Variants in CA6 observed in about 807,000 individuals in gnomAD.
CA6 encodes carbonic anhydrase 6.
Under a neutral mutation model 35.9 loss-of-function variants are expected in CA6, and 28 were observed. That is an observed-to-expected ratio of 0.78 (90% confidence interval 0.58 to 1.07). The LOEUF (loss-of-function observed/expected upper bound fraction) is 1.07. CA6 is among the 50% of genes least tolerant of loss of function. The pLI is 0.00. For missense variants in CA6, 377 were observed against 382.0 expected (o/e 0.99, Z 0.11); for synonymous variants, 148 against 152.6 (o/e 0.97, Z 0.22).
At chr1:8,973,750 T>TTCTCTC (rs1269229236) in intron 7 of CA6, among the ~76,000 whole-genome samples, 1 of 20,448 alleles carries the variant, frequency 4.9e-5, no homozygotes, top group African/African-American at 4.5e-4. Context: ...CTTTCTTTCT[T>TTCTCTC]TCTTTCTTTC....
Position 8,949,567 on chromosome 1 carries a change from C to CTCGAACATGAGGG in CA6, c.259+139_259+151dup, listed in dbSNP as rs1394888946. On this transcript the variant is annotated intron_variant, in intron 2 of 7. Coordinates refer to ENST00000377443, the MANE Select transcript of CA6 (RefSeq NM_001215.4). The stretch of plus-strand genomic sequence containing the variant: ...AGAGCACGGCCTCAGAGCTGGAGGC[C>CTCGAACATGAGGG]TCGAACATGAGGGTCGAACATGAGG... 4 of 801,056 alleles carry CTCGAACATGAGGG rather than the reference C, an allele frequency of 5.0e-6. No individual in the cohort carries two copies. In the African/African-American group the frequency reaches 7.2e-5, roughly 14 times the overall value. The allele number at this position is 801,056 out of a possible 1,614,324, so 49.6% of individuals were successfully genotyped here.
intron 5 of CA6, among the ~76,000 whole-genome samples, chr1:8,967,115 G>A (rs111277904): frequency 0.047 from 7,090 of 152,112 alleles, 367 homozygotes; most frequent in African/African-American, 0.12. Flanking sequence ...GAGCCACTGC[G>A]CCTGGCCTGA....
At chr1:8,947,402 C>T (rs1158012963) in intron 1 of CA6, among the ~76,000 whole-genome samples, 6 of 152,026 alleles carry the variant, frequency 3.9e-5, no homozygotes, top group Non-Finnish European at 4.4e-5. Flanking sequence ...TCAGGGTGAA[C>T]GGGATGATCT....
chr1:8,961,783 A>T (rs1639848468), intron 4 of CA6, among the ~76,000 whole-genome samples: 2 of 152,246 alleles, frequency 1.3e-5, no homozygotes, highest in Non-Finnish European at 2.9e-5. Context: ...TGACTGTTAA[A>T]GTCAATACTC....
intron 6 of CA6, among the ~76,000 whole-genome samples, chr1:8,970,242 A>G (rs1336594028): frequency 2.7e-5 from 4 of 149,982 alleles, no homozygotes; most frequent in Non-Finnish European, 5.9e-5. Flanking sequence ...AAAACCTGAC[A>G]TTTTCAGAAA....
chr1:8,958,783 G>A (rs921940760), intron 3 of CA6, 127 bp from the exon 4 acceptor site: 2 of 557,896 alleles, frequency 3.6e-6, no homozygotes, highest in Non-Finnish European at 6.4e-6. Flanking sequence ...GGAGGTCCAA[G>A]TTGCTTGTGT....
intron 1 of CA6, among the ~76,000 whole-genome samples, chr1:8,946,691 G>A (rs1569643881): frequency 6.6e-6 from 1 of 151,898 alleles, no homozygotes; most frequent in Admixed American, 6.6e-5. Flanking sequence ...TGGGGTTTGC[G>A]AGACCTTCTT....
chr1:8,973,500 C>A (rs950888003), intron 7 of CA6, among the ~76,000 whole-genome samples: 10 of 152,200 alleles, frequency 6.6e-5, no homozygotes, highest in African/African-American at 2.4e-4. Flanking sequence ...TAGGTACCGG[C>A]CCCAGACTGA....
chr1:8,959,241 C>T (rs897933995), intron 4 of CA6, among the ~76,000 whole-genome samples: 2 of 151,730 alleles, frequency 1.3e-5, no homozygotes, highest in African/African-American at 2.4e-5. Context: ...AGAGGGGTTG[C>T]GTAGACACAA....
chr1:8,966,119 AT>A lies in CA6; in HGVS notation c.572-1531del, dbSNP rs554495466. On this transcript the variant is annotated intron_variant, in intron 5 of 7. Transcript: ENST00000377443. ...AGTAATCTATGTTTTTTTAATTTTA[AT>A]TTTTTTTTGTTTTTTGAGACAGAGT... 2.1e-4 allele frequency among the ~76,000 whole-genome samples: 32 copies of A among 150,882 alleles called. No individual in the cohort carries two copies. In the East Asian group the frequency reaches 5.5e-3, roughly 26 times the overall value.
At chr1:8,957,703 C>T (rs1369445364) in intron 3 of CA6, among the ~76,000 whole-genome samples, 1 of 145,674 alleles carries the variant, frequency 6.9e-6, no homozygotes, top group Non-Finnish European at 1.5e-5. Context: ...AATTCCATCA[C>T]TTTGGGAGGC....
At chr1:8,973,130 C>T (rs1212038724) in intron 7 of CA6, among the ~76,000 whole-genome samples, 1 of 152,170 alleles carries the variant, frequency 6.6e-6, no homozygotes, top group Non-Finnish European at 1.5e-5. Flanking sequence ...AGCAATTCTC[C>T]TGCCTCAGCC....
intron 4 of CA6, 125 bp from the exon 5 acceptor site, chr1:8,962,462 A>G: frequency 1.3e-6 from 1 of 772,528 alleles, no homozygotes; most frequent in Non-Finnish European, 2.3e-6. Flanking sequence ...ACAAGACGGC[A>G]CAGGCTGCCT....
At position 8,975,039 on chromosome 1, in the gene CA6, T is replaced by A. The variant is rs1640231676; in HGVS notation, c.*335T>A. On this transcript the variant is annotated 3_prime_UTR_variant, in exon 8 of 8. Transcript: ENST00000377443. ...GTCTGAATTATAAACCAGCCTGACC[T>A]TTCCTTTAGCATTAGATGTAATAAA... 1 of 184,328 alleles carries A rather than the reference T, an allele frequency of 5.4e-6. No individual in the cohort carries two copies. The highest frequency in any genetic ancestry group is 1.1e-5 in the Non-Finnish European group (1 of 90,294). 11.4% of individuals were successfully genotyped at this position (184,328 alleles called of 1,614,324 possible). A position where few individuals can be genotyped will look rare whatever the true frequency, so the allele number is the denominator to read the frequency against.
At chr1:8,973,721 T>G (rs971630068) in intron 7 of CA6, among the ~76,000 whole-genome samples, 13 of 12,574 alleles carry the variant, frequency 1.0e-3, no homozygotes, top group Non-Finnish European at 1.6e-3. Flanking sequence ...TCTTTCTTTC[T>G]TTCTTTCTTT....
chr1:8,951,309 AG>A (rs1639526822), intron 2 of CA6: 1 of 602,866 alleles, frequency 1.7e-6, no homozygotes, highest in African/African-American at 1.8e-5. Context: ...TGTCTGTAAA[AG>A]GACTCAGGTT....
rs970626424 is a variant in CA6 at position 8,974,821 on chromosome 1, G to A, written c.*117G>A. Reference sequence around the variant, plus strand: ...AAGAAACCATGTGTGTCTGGAACACGCTGCTCCCCCTGGGGCAGCTGTTGG... The same window carrying A: ...AAGAAACCATGTGTGTCTGGAACACACTGCTCCCCCTGGGGCAGCTGTTGG... On this transcript the variant is annotated 3_prime_UTR_variant, in exon 8 of 8. Transcript: ENST00000377443. The A allele has an allele frequency of 2.5e-5, 15 of 588,502 alleles. No individual in the cohort carries two copies. The highest frequency in any genetic ancestry group is 4.1e-5 in the Non-Finnish European group (14 of 343,434). The allele number at this position is 588,502 out of a possible 1,614,324, so 36.5% of individuals were successfully genotyped here. A position where few individuals can be genotyped will look rare whatever the true frequency, so the allele number is the denominator to read the frequency against.
chr1:8,968,166 A>G (rs1010029757), intron 6 of CA6, among the ~76,000 whole-genome samples: 6 of 151,742 alleles, frequency 4.0e-5, no homozygotes, highest in Non-Finnish European at 8.8e-5. Context: ...GGGTTTTATT[A>G]TGTTGCCCAG....
At chr1:8,961,312 GTTTTC>G (rs1639838293) in intron 4 of CA6, among the ~76,000 whole-genome samples, 1 of 152,068 alleles carries the variant, frequency 6.6e-6, no homozygotes, top group African/African-American at 2.4e-5. Context: ...TATTTTTTGT[GTTTTC>G]TTCTTTTAAT....
Sources: allele counts gnomAD v4.1 joint callset (sites outside exome capture counted in the v4.1 genomes callset), GRCh38; gene constraint gnomAD v4.1.1; transcripts MANE v1.5; gene names NCBI Gene and HGNC (gene_info 2026-07-23, HGNC 2026-07-21).